The following GALNT13 variants were observed in gnomAD, a reference collection of about 807,000 sequenced individuals.
GALNT13 encodes polypeptide N-acetylgalactosaminyltransferase 13, also known as UDP-GalNAc:polypeptide N-acetylgalactosaminyltransferase 13.
In GALNT13, 28 loss-of-function variants were observed where a neutral mutation model predicts 64.2. The observed-to-expected ratio is 0.44, with a 90% CI of 0.32 to 0.60. GALNT13 has a LOEUF of 0.60. Among genes scored for constraint, GALNT13 ranks in the 20% least tolerant of loss-of-function variants. The probability of loss-of-function intolerance (pLI) is 0.05; values close to 1 mark genes in which losing one functional copy is unlikely to be tolerated. For missense variants in GALNT13, 577 were observed against 669.8 expected (o/e 0.86, Z 1.53); for synonymous variants, 214 against 224.6 (o/e 0.95, Z 0.42).
chr2:153,436,041 C>T, the GALNT13 span, among the ~76,000 whole-genome samples: 224 of 152,122 alleles, frequency 1.5e-3, no homozygotes, highest in African/African-American at 3.1e-3. Context: ...GCATGAAGTG[C>T]TGTTGAATTT....
chr2:153,918,029 G>T (rs986184118), intron 2 of GALNT13, among the ~76,000 whole-genome samples: 5 of 151,928 alleles, frequency 3.3e-5, no homozygotes, highest in Admixed American at 1.3e-4. Context: ...CAGAGGTTTG[G>T]CAAGATGTAT....
At chr2:153,655,914 A>G in the GALNT13 span, among the ~76,000 whole-genome samples, 2 of 152,122 alleles carry the variant, frequency 1.3e-5, no homozygotes, top group Admixed American at 6.6e-5. Context: ...CAAACTTATA[A>G]TATGATCTGA....
chr2:153,135,161 G>T, the GALNT13 span, among the ~76,000 whole-genome samples: 1 of 152,078 alleles, frequency 6.6e-6, no homozygotes, highest in Admixed American at 6.6e-5. Flanking sequence ...CCTTCTCACT[G>T]TCTCCTCACA....
At chr2:153,376,948 G>T in the GALNT13 span, among the ~76,000 whole-genome samples, 66 of 152,096 alleles carry the variant, frequency 4.3e-4, no homozygotes, top group African/African-American at 1.6e-3. Flanking sequence ...AAAAAGCAAG[G>T]TGACTATTAT....
chr2:153,629,870 T>G, the GALNT13 span, among the ~76,000 whole-genome samples: 2 of 147,728 alleles, frequency 1.4e-5, no homozygotes, highest in African/African-American at 5.2e-5. Context: ...AAAAAGACAT[T>G]TATGCAGCCA....
At chr2:153,986,970 T>C (rs903262219) in intron 3 of GALNT13, among the ~76,000 whole-genome samples, 1 of 151,890 alleles carries the variant, frequency 6.6e-6, no homozygotes, top group African/African-American at 2.4e-5. Flanking sequence ...GGATGTTGTT[T>C]GGCAGTTAGT....
At chr2:154,082,900 A>G (rs1701344067) in intron 3 of GALNT13, among the ~76,000 whole-genome samples, 1 of 152,006 alleles carries the variant, frequency 6.6e-6, no homozygotes, top group African/African-American at 2.4e-5. Flanking sequence ...TGCTGTGCAG[A>G]AGCTCTTTAG....
chr2:153,462,819 T>C, the GALNT13 span, among the ~76,000 whole-genome samples: 1 of 152,144 alleles, frequency 6.6e-6, no homozygotes, highest in Non-Finnish European at 1.5e-5. Context: ...GAATCTCCTT[T>C]GGTCCTGGCT....
At chr2:154,305,583 G>C (rs754798925) in intron 9 of GALNT13, among the ~76,000 whole-genome samples, 2 of 152,128 alleles carry the variant, frequency 1.3e-5, no homozygotes, top group Non-Finnish European at 2.9e-5. Context: ...TCTACTCTGA[G>C]ATTTTATTCT....
At chr2:153,478,759 T>G in the GALNT13 span, 1 of 569,182 alleles carries the variant, frequency 1.8e-6, no homozygotes, top group Non-Finnish European at 3.1e-6. Context: ...AGCTAGGCTC[T>G]TCTAAAGCCG....
chr2:154,351,479 T>C (rs1012599436), intron 9 of GALNT13, among the ~76,000 whole-genome samples: 1 of 151,556 alleles, frequency 6.6e-6, no homozygotes, highest in East Asian at 2.0e-4. Context: ...GTCAGGAGAT[T>C]GAGACCATCC....
chr2:153,885,043 GATAAAATAAA>G (rs941828428), intron 1 of GALNT13, among the ~76,000 whole-genome samples: 3 of 149,332 alleles, frequency 2.0e-5, no homozygotes, highest in Admixed American at 6.7e-5. Context: ...TGTCTCAAAA[GATAAAATAAA>G]GTAAAATAAA....
chr2:154,237,984 G>T (rs1689286304), intron 4 of GALNT13, among the ~76,000 whole-genome samples: 1 of 151,974 alleles, frequency 6.6e-6, no homozygotes, highest in East Asian at 1.9e-4. Context: ...ACAGCTGACT[G>T]ATTTATATGG....
chr2:153,889,679 AC>A (rs1169788602), intron 1 of GALNT13, among the ~76,000 whole-genome samples: 1 of 152,064 alleles, frequency 6.6e-6, no homozygotes, highest in Admixed American at 6.6e-5. Context: ...AAATGCTGCT[AC>A]ATTTTAATAT....
chr2:154,275,734 C>G (rs1691611300), intron 8 of GALNT13, among the ~76,000 whole-genome samples: 1 of 152,172 alleles, frequency 6.6e-6, no homozygotes, highest in East Asian at 1.9e-4. Context: ...GAGAAGAGGG[C>G]CACTGTCCTC....
At chr2:153,378,821 A>G in the GALNT13 span, among the ~76,000 whole-genome samples, 302 of 152,242 alleles carry the variant, frequency 2.0e-3, 2 homozygotes, top group African/African-American at 6.6e-3. Context: ...TTTGGAAGCC[A>G]ACTTGTACCC....
At chr2:153,259,973 G>T in the GALNT13 span, among the ~76,000 whole-genome samples, 18 of 151,708 alleles carry the variant, frequency 1.2e-4, no homozygotes, top group Admixed American at 3.3e-4. Context: ...TGTATCTGTT[G>T]TGTGTTTTTT....
the GALNT13 span, among the ~76,000 whole-genome samples, chr2:153,231,142 A>G: frequency 3.3e-5 from 5 of 152,084 alleles, no homozygotes; most frequent in South Asian, 2.1e-4. Flanking sequence ...GCTAATGGAG[A>G]TACTCCCAGG....
At chr2:153,628,207 C>T in the GALNT13 span, among the ~76,000 whole-genome samples, 1 of 151,666 alleles carries the variant, frequency 6.6e-6, no homozygotes, top group Admixed American at 6.6e-5. Flanking sequence ...TATCCTGAGA[C>T]TTTGCTGAAG....
Sources: gnomAD v4.1 joint callset for allele counts (sites outside exome capture counted in the v4.1 genomes callset) on GRCh38, gnomAD v4.1.1 for gene constraint, MANE v1.5 for transcripts, NCBI Gene and HGNC (gene_info 2026-07-23, HGNC 2026-07-21) for gene names.